AGBL1: variants seen among roughly 807,000 people sequenced by gnomAD.
The protein encoded by AGBL1 is cytosolic carboxypeptidase 4.
Under a neutral mutation model 118.9 loss-of-function variants are expected in AGBL1, and 130 were observed. The ratio of observed to expected loss-of-function variants is 1.09; its 90% confidence interval spans 0.95 to 1.26. The LOEUF is 1.26. Ranked by LOEUF, AGBL1 falls within the 50% of genes most tolerant of loss-of-function variation. The pLI is 0.00. For synonymous variants in AGBL1, 555 were observed against 478.9 expected, an observed-to-expected ratio of 1.16 and a Z score of -2.08; for missense variants, 1,584 against 1,298.1, an observed-to-expected ratio of 1.22 and a Z score of -3.38.
At chr15:86,161,835 C>G (rs1251783026) in intron 5 of AGBL1, among the ~76,000 whole-genome samples, 1 of 152,176 alleles carries the variant, frequency 6.6e-6, no homozygotes, top group Non-Finnish European at 1.5e-5. Flanking sequence ...CTCCTTCTAC[C>G]AGATTCCTTG....
At chr15:86,441,976 C>G (rs775296218) in intron 18 of AGBL1, among the ~76,000 whole-genome samples, 30 of 152,160 alleles carry the variant, frequency 2.0e-4, no homozygotes, top group Admixed American at 6.5e-5. Context: ...GGAAAGCTGC[C>G]AAATCCACAA....
chr15:86,359,739 T>C (rs985736955), intron 17 of AGBL1, among the ~76,000 whole-genome samples: 1 of 152,070 alleles, frequency 6.6e-6, no homozygotes, highest in East Asian at 1.9e-4. Context: ...TGTAATTATA[T>C]GTAATTATAA....
chr15:86,296,768 G>C (rs1496879), intron 17 of AGBL1: 1 of 152,184 alleles, frequency 6.6e-6, no homozygotes, highest in Non-Finnish European at 1.5e-5. Flanking sequence ...AACAGTCACA[G>C]AGTACCCCCC....
chr15:86,847,928 A>T (rs767868486), intron 22 of AGBL1, among the ~76,000 whole-genome samples: 26 of 152,228 alleles, frequency 1.7e-4, no homozygotes, highest in Non-Finnish European at 2.6e-4. Flanking sequence ...TTATTGCTTG[A>T]TCACACTAGG....
chr15:86,210,706 G>T (rs567532441), intron 5 of AGBL1, among the ~76,000 whole-genome samples: 1 of 152,092 alleles, frequency 6.6e-6, no homozygotes, highest in African/African-American at 2.4e-5. Flanking sequence ...ATTTTAGTTA[G>T]CCATTCGTCT....
At chr15:86,519,701 A>G (rs2083163042) in intron 18 of AGBL1, among the ~76,000 whole-genome samples, 1 of 152,220 alleles carries the variant, frequency 6.6e-6, no homozygotes, top group Non-Finnish European at 1.5e-5. Flanking sequence ...GAAGACAAAT[A>G]CAATCACATG....
At position 86,810,660 on chromosome 15, in the gene AGBL1, C is replaced by G. The variant is rs574938994; in HGVS notation, c.3159-96427C>G. On this transcript the variant is annotated intron_variant, in intron 22 of 22. Coordinates refer to ENST00000614907, the MANE Select transcript of AGBL1 (RefSeq NM_001386094.1). ...TCAGAATTCTTGAGTTCAGAGTTCT[C>G]TCTGTACTGAAGCTTGTGTGTGGCC... Among the ~76,000 whole-genome samples, 28 of 152,248 alleles carry G rather than the reference C, an allele frequency of 1.8e-4. 1 individual carries two copies. In the South Asian group the frequency reaches 5.4e-3, roughly 29 times the overall value.
chr15:86,823,665 G>C (rs1209270178), intron 22 of AGBL1, among the ~76,000 whole-genome samples: 1 of 152,136 alleles, frequency 6.6e-6, no homozygotes, highest in Non-Finnish European at 1.5e-5. Context: ...ATCCTAAGTA[G>C]GTAAGATTGG....
chr15:86,131,295 T>A (rs182899465), intron 1 of AGBL1, among the ~76,000 whole-genome samples: 179 of 152,292 alleles, frequency 1.2e-3, no homozygotes, highest in African/African-American at 4.1e-3. Context: ...TTGGCTAAGA[T>A]TCAAGAGTAG....
chr15:86,960,766 A>T (rs2080984810), intron 23 of AGBL1, among the ~76,000 whole-genome samples: 1 of 152,106 alleles, frequency 6.6e-6, no homozygotes, highest in South Asian at 2.1e-4. Context: ...GCCATAAAAA[A>T]GGAATCTACC....
intron 18 of AGBL1, among the ~76,000 whole-genome samples, chr15:86,439,137 G>A (rs2082032857): frequency 6.6e-6 from 1 of 152,130 alleles, no homozygotes; most frequent in African/African-American, 2.4e-5. Flanking sequence ...CAGGGGAGCA[G>A]CATCTCATCT....
At chr15:86,386,692 A>G (rs2081201076) in intron 17 of AGBL1, among the ~76,000 whole-genome samples, 1 of 151,528 alleles carries the variant, frequency 6.6e-6, no homozygotes, top group African/African-American at 2.4e-5. Flanking sequence ...AATCCCCATT[A>G]CCTCCCTCTG....
chr15:86,258,016 A>G lies in AGBL1; in HGVS notation c.954A>G (p.Glu318=), dbSNP rs2078924393. The change falls in exon 9 of 23, where the codon GAA becomes GAG. Residue 318 remains glutamate, a synonymous_variant. Coordinates refer to ENST00000614907, the MANE Select transcript of AGBL1 (RefSeq NM_001386094.1). Reference sequence around the variant, plus strand: ...AAGTGGACAAAGACTCTGATACTGAAGATGGGAAAGTGGAAGTAGGTACAC... The same window carrying G: ...AAGTGGACAAAGACTCTGATACTGAGGATGGGAAAGTGGAAGTAGGTACAC... ...DDEVDKDSDT[E]DGKVEDDDLE... 6.2e-7 allele frequency: 1 copy of G among 1,613,724 alleles called. No homozygotes were observed. The highest frequency in any genetic ancestry group is 8.5e-7 in the Non-Finnish European group (1 of 1,179,790).
At chr15:86,532,708 C>G (rs997761397) in intron 19 of AGBL1, among the ~76,000 whole-genome samples, 6 of 151,690 alleles carry the variant, frequency 4.0e-5, no homozygotes, top group Non-Finnish European at 1.5e-5. Flanking sequence ...TGACTTCAAA[C>G]TATACTACAA....
chr15:86,191,173 C>CG (rs992057969), intron 5 of AGBL1, among the ~76,000 whole-genome samples: 4 of 151,056 alleles, frequency 2.6e-5, no homozygotes, highest in African/African-American at 9.7e-5. Flanking sequence ...TGAAACCCCC[C>CG]CTCCCTACTA....
At chr15:86,420,255 C>T (rs577511150) in intron 18 of AGBL1, among the ~76,000 whole-genome samples, 1 of 152,282 alleles carries the variant, frequency 6.6e-6, no homozygotes, top group African/African-American at 2.4e-5. Context: ...TAGGATGAAG[C>T]TTCCAGAGGA....
chr15:86,417,498 T>C (rs570716403), intron 18 of AGBL1, among the ~76,000 whole-genome samples: 1 of 152,210 alleles, frequency 6.6e-6, no homozygotes, highest in Non-Finnish European at 1.5e-5. Context: ...AACCTGTGGA[T>C]GTAACATTGA....
intron 18 of AGBL1, among the ~76,000 whole-genome samples, chr15:86,486,170 G>C (rs918992885): frequency 5.9e-5 from 9 of 152,038 alleles, no homozygotes; most frequent in Admixed American, 3.3e-4. Context: ...CAAGTATGCA[G>C]GGTTCTTAGC....
intron 22 of AGBL1, among the ~76,000 whole-genome samples, chr15:86,717,218 G>GA (rs1361530623): frequency 6.6e-6 from 1 of 152,178 alleles, no homozygotes; most frequent in Non-Finnish European, 1.5e-5. Flanking sequence ...AGAACAAGGA[G>GA]AAGGAGTGGG....
Sources: gnomAD v4.1 joint callset for allele counts (sites outside exome capture counted in the v4.1 genomes callset) on GRCh38, gnomAD v4.1.1 for gene constraint, MANE v1.5 for transcripts, NCBI Gene and HGNC (gene_info 2026-07-23, HGNC 2026-07-21) for gene names.